Variants in MAN1C1 observed in about 807,000 individuals in gnomAD.
MAN1C1 encodes mannosidase alpha class 1C member 1.
Under a neutral mutation model 71.5 loss-of-function variants are expected in MAN1C1, and 49 were observed. That is an observed-to-expected ratio of 0.69 (90% CI 0.54 to 0.87). The LOEUF is 0.87. Among genes scored for constraint, MAN1C1 ranks in the 40% least tolerant of loss-of-function variants. The pLI, the probability that MAN1C1 is intolerant of heterozygous loss-of-function variation, is 0.00. For synonymous variants in MAN1C1, 352 were observed against 343.7 expected (o/e 1.02, Z -0.27); for missense variants, 743 against 835.0 (o/e 0.89, Z 1.36).
intron 1 of MAN1C1, among the ~76,000 whole-genome samples, chr1:25,685,655 A>G (rs770918885): frequency 6.6e-6 from 1 of 152,206 alleles, no homozygotes; most frequent in Non-Finnish European, 1.5e-5. Flanking sequence ...ACTCTGGGTG[A>G]CAGTCCACAT....
intron 1 of MAN1C1, among the ~76,000 whole-genome samples, chr1:25,679,953 ATATAT>A (rs1557762204): frequency 0.12 from 13,747 of 113,308 alleles, 971 homozygotes; most frequent in Middle Eastern, 0.26. Context: ...AAAAAAAAAT[ATATAT>A]ATATATATAT....
At position 25,719,585 on chromosome 1, in the gene MAN1C1, C is replaced by T. The variant is rs555889867; in HGVS notation, c.638-27083C>T. ...AACTACAGGCACATGCCACCTTTCC[C>T]GGTTAGTTATTTTTAAGTTTTTTAT... On this transcript the variant is annotated intron_variant, in intron 2 of 11. Transcript: ENST00000374332. Among the ~76,000 whole-genome samples, 51 of 150,262 alleles carry T rather than the reference C, an allele frequency of 3.4e-4. No individual in the cohort carries two copies. In the East Asian group the frequency reaches 5.6e-3, roughly 17 times the overall value.
At position 25,617,992 on chromosome 1, in the gene MAN1C1, G is replaced by T; in HGVS notation, c.195G>T (p.Val65=). 1 of 1,605,812 alleles carries T rather than the reference G, an allele frequency of 6.2e-7. No individual in the cohort carries two copies. Among genetic ancestry groups the T allele is most frequent in the Non-Finnish European group, 8.5e-7 (1 of 1,177,202 alleles). ...APRTQQPGLE[V]VAEIAGHAPA... is the part of the protein sequence containing the mutation. ...GGACCCAGCAGCCTGGTCTGGAAGT[G>T]GTGGCTGAAATCGCCGGCCATGCCC... Residue 65 remains valine (V), a synonymous_variant, in exon 1 of 12, where the codon GTG becomes GTT. Coordinates refer to ENST00000374332, the MANE Select transcript of MAN1C1 (RefSeq NM_020379.4). The surrounding 1 kb of genome is among the most constrained non-coding windows in gnomAD (Gnocchi z 5.1).
intron 1 of MAN1C1, among the ~76,000 whole-genome samples, chr1:25,677,234 G>T (rs1292890738): frequency 6.6e-6 from 1 of 152,180 alleles, no homozygotes; most frequent in Non-Finnish European, 1.5e-5. Context: ...ATTCAGCTCC[G>T]ATGGCTCTGC....
At chr1:25,727,805 A>T (rs967327346) in intron 2 of MAN1C1, among the ~76,000 whole-genome samples, 1 of 152,194 alleles carries the variant, frequency 6.6e-6, no homozygotes. Flanking sequence ...CTGGCCAGAC[A>T]AGCTGGCAGA....
At chr1:25,704,805 A>G (rs528387039) in intron 2 of MAN1C1, among the ~76,000 whole-genome samples, 2 of 152,380 alleles carry the variant, frequency 1.3e-5, no homozygotes, top group African/African-American at 2.4e-5. Context: ...CTGATTTAGC[A>G]TTATCTGAGA....
At chr1:25,619,310 T>C (rs2045168809) in intron 1 of MAN1C1, among the ~76,000 whole-genome samples, 1 of 152,096 alleles carries the variant, frequency 6.6e-6, no homozygotes, top group South Asian at 2.1e-4. Flanking sequence ...GAGGATGCTC[T>C]CCCCTCCCCA....
chr1:25,759,288 C>A, intron 6 of MAN1C1: 1 of 157,398 alleles, frequency 6.4e-6, no homozygotes, highest in Non-Finnish European at 1.4e-5. Flanking sequence ...TGGCCTTGGG[C>A]AGTCCCCACT....
chr1:25,718,658 A>G (rs1318675061), intron 2 of MAN1C1, among the ~76,000 whole-genome samples: 3 of 152,042 alleles, frequency 2.0e-5, no homozygotes, highest in Non-Finnish European at 2.9e-5. Flanking sequence ...CCTTTTTTGG[A>G]TGTTTCATAA....
rs4018193 is a variant in MAN1C1, at chr1:25,757,500, C to CGG, written c.930-1081_930-1080dup. On this transcript the variant is annotated intron_variant, in intron 5 of 11. Transcript: ENST00000374332. ...TGATACATATGAGGAAACTGAGGCA[C>CGG]GGGGGGGGGGGGCAGCTTGCCCAGA... Among the ~76,000 whole-genome samples the CGG allele has an allele frequency of 2.1e-4, 31 of 150,680 alleles. 1 individual carries two copies. The highest frequency in any genetic ancestry group is 6.3e-4 in the South Asian group (3 of 4,756).
At chr1:25,644,877 C>T (rs2045592244) in intron 1 of MAN1C1, 1 of 152,050 alleles carries the variant, frequency 6.6e-6, no homozygotes, top group South Asian at 2.1e-4. Context: ...AAGGCTTGAG[C>T]ACAGAGCCAT....
rs1422808268 is a variant in MAN1C1 at position 25,784,438 on chromosome 1, A to G, written c.*649A>G. 6.6e-6 allele frequency: 1 copy of G among 152,256 alleles called. No individual in the cohort carries two copies. Among genetic ancestry groups the G allele is most frequent in the African/African-American group, 2.4e-5 (1 of 41,462 alleles). 9.4% of individuals were successfully genotyped at this position (152,256 alleles called of 1,614,324 possible). A position where few individuals can be genotyped will look rare whatever the true frequency, so the allele number is the denominator to read the frequency against. On this transcript the variant is annotated 3_prime_UTR_variant, in exon 12 of 12. Transcript: ENST00000374332. ...TCTGTGGACTAGAATAAAAGAGTTT[A>G]TTGAATAAGAAATATGATTGGGCTC...
chr1:25,769,977 G>A lies in MAN1C1; in HGVS notation c.1142-1680G>A, dbSNP rs1466743875. Among the ~76,000 whole-genome samples the A allele has an allele frequency of 6.7e-6, 1 of 148,820 alleles. No individual in the cohort carries two copies. The highest frequency in any genetic ancestry group is 1.5e-5 in the Non-Finnish European group (1 of 66,906). ...AGCCCCCGCGTGGGGAATGAGGTGG[G>A]GAGGGTGCGCCACACCGAGAGGTGA... On this transcript the variant is annotated intron_variant, in intron 7 of 11. Coordinates refer to ENST00000374332, the MANE Select transcript of MAN1C1 (RefSeq NM_020379.4). This position sits in a 1 kb window ranked among gnomAD's most constrained non-coding sequence, Gnocchi z 4.8.
Position 25,637,153 on chromosome 1 carries a change from C to CA in MAN1C1, c.540+18827dup, listed in dbSNP as rs1189572131. 5.2e-3 allele frequency among the ~76,000 whole-genome samples: 757 copies of CA among 144,922 alleles called. 4 individuals carry two copies. Among genetic ancestry groups the CA allele is most frequent in the African/African-American group, 0.017 (685 of 39,608 alleles). ...CTGGGCAACAGAGCAAACTCTGTCT[C>CA]AAAAAAAAAAATTAAATTAAAAAAT... On this transcript the variant is annotated intron_variant, in intron 1 of 11. Coordinates refer to ENST00000374332, the MANE Select transcript of MAN1C1 (RefSeq NM_020379.4).
At chr1:25,736,232 C>G (rs2046981109) in intron 2 of MAN1C1, among the ~76,000 whole-genome samples, 1 of 152,130 alleles carries the variant, frequency 6.6e-6, no homozygotes, top group African/African-American at 2.4e-5. Flanking sequence ...CCTGACTTCC[C>G]CATGGCTCAC....
Position 25,617,034 on chromosome 1 carries a change from C to T in MAN1C1, c.-764C>T, listed in dbSNP as rs1029387291. Among the ~76,000 whole-genome samples the T allele has an allele frequency of 9.9e-5, 15 of 151,566 alleles. No homozygotes were observed. The highest frequency in any genetic ancestry group is 5.2e-4 in the Admixed American group (8 of 15,248). ...AGTTCGAGGGGCGGGAGCCCGCGCT[C>T]CCGGGCGCATCTGCAGCCGCCCAGC... On this transcript the variant is annotated 5_prime_UTR_variant, in exon 1 of 12. Coordinates refer to ENST00000374332, the MANE Select transcript of MAN1C1 (RefSeq NM_020379.4). This position sits in a 1 kb window ranked among gnomAD's most constrained non-coding sequence, Gnocchi z 5.1.
rs1326490649 is a variant in MAN1C1, at chr1:25,634,354, A to G, written c.540+16017A>G. Among the ~76,000 whole-genome samples the G allele has an allele frequency of 6.6e-6, 1 of 152,170 alleles. No homozygotes were observed. Among genetic ancestry groups the G allele is most frequent in the Non-Finnish European group, 1.5e-5 (1 of 68,038 alleles). On this transcript the variant is annotated intron_variant, in intron 1 of 11. Coordinates refer to ENST00000374332, the MANE Select transcript of MAN1C1 (RefSeq NM_020379.4). The surrounding 1 kb of genome is among the most constrained non-coding windows in gnomAD (Gnocchi z 4.6). ...CTTTCATCATTAAGTATGATGTTAG[A>G]TGTAGGTTTTTGGTAGATGCCTTTT...
chr1:25,778,586 C>T lies in MAN1C1; in HGVS notation c.1477+262C>T, dbSNP rs2047652480. 6.6e-6 allele frequency among the ~76,000 whole-genome samples: 1 copy of T among 152,154 alleles called. No homozygotes were observed. Among genetic ancestry groups the T allele is most frequent in the Non-Finnish European group, 1.5e-5 (1 of 68,020 alleles). ...GACACAACATCACTGAACCTCACCA[C>T]ACAGATGAGGAAACTGAGGCTCAGA... On this transcript the variant is annotated intron_variant, in intron 9 of 11. Coordinates refer to ENST00000374332, the MANE Select transcript of MAN1C1 (RefSeq NM_020379.4). This position sits in a 1 kb window ranked among gnomAD's most constrained non-coding sequence, Gnocchi z 5.5.
Position 25,702,422 on chromosome 1 carries a change from G to A in MAN1C1, c.637+15886G>A, listed in dbSNP as rs556038485. Among the ~76,000 whole-genome samples, 21 of 152,300 alleles carry A rather than the reference G, an allele frequency of 1.4e-4. No individual in the cohort carries two copies. In the East Asian group the frequency reaches 3.1e-3, roughly 22 times the overall value. On this transcript the variant is annotated intron_variant, in intron 2 of 11. Coordinates refer to ENST00000374332, the MANE Select transcript of MAN1C1 (RefSeq NM_020379.4). ...TGGGCTCTCCCAGGCTCTGAGGGTC[G>A]GGGCTGCAGCTCTTCCTTCTCCTCC...
Sources: allele counts gnomAD v4.1 joint callset (sites outside exome capture counted in the v4.1 genomes callset), GRCh38; gene constraint gnomAD v4.1.1; non-coding constraint Gnocchi (gnomAD v3.1); transcripts MANE v1.5; gene names NCBI Gene and HGNC (gene_info 2026-07-23, HGNC 2026-07-21).